L3MBTL3: variants seen among roughly 807,000 people sequenced by gnomAD.
The protein encoded by L3MBTL3 is L3MBTL histone methyl-lysine binding protein 3, also known as lethal(3)malignant brain tumor-like protein 3.
Under a neutral mutation model 102.3 loss-of-function variants are expected in L3MBTL3, and 27 were observed. The ratio of observed to expected loss-of-function variants is 0.26; its 90% CI spans 0.19 to 0.36. The LOEUF (loss-of-function observed/expected upper bound fraction) is 0.36. Among genes scored for constraint, L3MBTL3 ranks in the 10% least tolerant of loss-of-function variants. L3MBTL3 has a pLI of 1.00. For synonymous variants in L3MBTL3, 340 were observed against 320.9 expected, an observed-to-expected ratio of 1.06 and a Z score of -0.64; for missense variants, 798 against 955.3, an observed-to-expected ratio of 0.84 and a Z score of 2.17.
At chr6:130,032,102 T>TG (rs1477961131) in intron 2 of L3MBTL3, among the ~76,000 whole-genome samples, 5 of 151,974 alleles carry the variant, frequency 3.3e-5, no homozygotes, top group East Asian at 1.9e-4. Flanking sequence ...CTTGTAGGTG[T>TG]GGGGTCTCAC....
intron 2 of L3MBTL3, among the ~76,000 whole-genome samples, chr6:130,035,675 G>T (rs1249833381): frequency 6.6e-6 from 1 of 152,202 alleles, no homozygotes. Context: ...AATGCCTTTG[G>T]TTGCAGCCAT....
At chr6:130,118,969 C>G (rs1785925202) in intron 19 of L3MBTL3, among the ~76,000 whole-genome samples, 1 of 152,022 alleles carries the variant, frequency 6.6e-6, no homozygotes, top group Non-Finnish European at 1.5e-5. Context: ...CATAAGAAAA[C>G]AAGGGAACTT....
intron 8 of L3MBTL3, among the ~76,000 whole-genome samples, chr6:130,056,598 T>C (rs920204768): frequency 6.6e-6 from 1 of 152,216 alleles, no homozygotes; most frequent in Non-Finnish European, 1.5e-5. Context: ...GACCTTCTAT[T>C]TTACATCACT....
chr6:130,087,491 G>A (rs1783763473), intron 16 of L3MBTL3, among the ~76,000 whole-genome samples: 1 of 152,032 alleles, frequency 6.6e-6, no homozygotes, highest in Admixed American at 6.6e-5. Flanking sequence ...AAAAAATATT[G>A]GTTCGACTGC....
At chr6:130,032,142 G>C (rs567510364) in intron 2 of L3MBTL3, among the ~76,000 whole-genome samples, 1 of 152,152 alleles carries the variant, frequency 6.6e-6, no homozygotes, top group East Asian at 1.9e-4. Flanking sequence ...TTGAACTCCT[G>C]GCCTCAGGTG....
intron 13 of L3MBTL3, among the ~76,000 whole-genome samples, chr6:130,078,206 G>A (rs1274215401): frequency 6.6e-6 from 1 of 152,056 alleles, no homozygotes; most frequent in Non-Finnish European, 1.5e-5. Context: ...GTTTTCCTAT[G>A]TACACACAGT....
Position 130,078,603 on chromosome 6 carries a change from G to A in L3MBTL3, c.1290G>A (p.Lys430=), listed in dbSNP as rs1280416673. ...ATATTCATCCAGTTGGTTGGTGTAA[G>A]GAACATAGAAGAACCCTTATTACTC... is the stretch of plus-strand genomic sequence containing the variant. The part of the protein sequence containing the change: ...SPHIHPVGWC[K]EHRRTLITPP... The change falls in exon 14 of 23, where the codon AAG becomes AAA. Residue 430 remains lysine, a synonymous_variant. Transcript: ENST00000361794. The A allele has an allele frequency of 6.2e-7, 1 of 1,611,142 alleles. No homozygotes were observed. Among genetic ancestry groups the A allele is most frequent in the East Asian group, 2.2e-5 (1 of 44,810 alleles).
intron 2 of L3MBTL3, among the ~76,000 whole-genome samples, chr6:130,028,828 A>C (rs903424118): frequency 6.6e-6 from 1 of 152,236 alleles, no homozygotes; most frequent in African/African-American, 2.4e-5. Flanking sequence ...CTCCACTGAC[A>C]CTTATATAAG....
In L3MBTL3 at chr6:130,114,617, G is replaced by A. The variant is rs528844406; in HGVS notation, c.1887-6262G>A. On this transcript the variant is annotated intron_variant, in intron 19 of 22. Coordinates refer to ENST00000361794, the MANE Select transcript of L3MBTL3 (RefSeq NM_032438.4). ...CCTTTTATTGTATTCTTTCACTAGCGTATGGTCCTTATGCTAAATTATAAT... is the reference window on the plus strand; with the variant it reads ...CCTTTTATTGTATTCTTTCACTAGCATATGGTCCTTATGCTAAATTATAAT... Among the ~76,000 whole-genome samples, 7 of 152,030 alleles carry A rather than the reference G, an allele frequency of 4.6e-5. No homozygotes were observed. The South Asian group carries it at 6.2e-4, about 14-fold the overall frequency.
chr6:130,082,408 A>G (rs528747270), intron 14 of L3MBTL3, among the ~76,000 whole-genome samples: 6 of 152,212 alleles, frequency 3.9e-5, no homozygotes, highest in East Asian at 3.9e-4. Context: ...TTATCTTCCT[A>G]TTTATTTGTT....
At chr6:130,046,647 A>G (rs902264918) in intron 3 of L3MBTL3, among the ~76,000 whole-genome samples, 2 of 152,232 alleles carry the variant, frequency 1.3e-5, no homozygotes, top group Admixed American at 6.5e-5. Context: ...TTTGCTTAAT[A>G]GTAAATCCCT....
At chr6:130,049,194 C>G (rs371557634) in intron 3 of L3MBTL3, 88 bp from the exon 4 acceptor site, 66 of 730,386 alleles carry the variant, frequency 9.0e-5, no homozygotes, top group East Asian at 5.1e-4. Flanking sequence ...AATTAATTTG[C>G]TTGAAGACTA....
intron 13 of L3MBTL3, among the ~76,000 whole-genome samples, chr6:130,077,485 A>G (rs1196749368): frequency 1.3e-5 from 2 of 152,222 alleles, no homozygotes; most frequent in African/African-American, 4.8e-5. Context: ...AGAAGCCTTT[A>G]AGTAATAAGG....
At chr6:130,034,559 C>T (rs1275916101) in intron 2 of L3MBTL3, among the ~76,000 whole-genome samples, 1 of 152,200 alleles carries the variant, frequency 6.6e-6, no homozygotes, top group Non-Finnish European at 1.5e-5. Context: ...TCTGAAACTT[C>T]TGTTTTGTGG....
chr6:130,025,903 G>A (rs1779310706), intron 2 of L3MBTL3, among the ~76,000 whole-genome samples: 1 of 152,070 alleles, frequency 6.6e-6, no homozygotes, highest in Non-Finnish European at 1.5e-5. Flanking sequence ...CAAAGACATC[G>A]AGCATCAATC....
chr6:130,138,089 T>C (rs1318346419), intron 22 of L3MBTL3: 2 of 152,236 alleles, frequency 1.3e-5, no homozygotes, highest in East Asian at 3.8e-4. Flanking sequence ...ATGACTCCAG[T>C]TCTTACTGAT....
chr6:130,056,590 CCTT>C (rs1781525778), intron 8 of L3MBTL3, among the ~76,000 whole-genome samples: 1 of 152,186 alleles, frequency 6.6e-6, no homozygotes, highest in African/African-American at 2.4e-5. Flanking sequence ...TCAGAGATGA[CCTT>C]CTATTTTACA....
intron 19 of L3MBTL3, among the ~76,000 whole-genome samples, chr6:130,117,305 T>G (rs1031141259): frequency 6.6e-6 from 1 of 150,736 alleles, no homozygotes. Context: ...CACGAACTCA[T>G]CATTTTTTAT....
Position 130,133,991 on chromosome 6 carries a change from AGAGT to A in L3MBTL3, c.2199+87_2199+90del. ...GGAAGGTGAAATGTGTGGAATTGGC[AGAGT>A]CAAAAAGAGATGGGGTGTGTTGAAA... On this transcript the variant is annotated intron_variant, in intron 22 of 22. Coordinates refer to ENST00000361794, the MANE Select transcript of L3MBTL3 (RefSeq NM_032438.4). The surrounding 1 kb of genome is among the most constrained non-coding windows in gnomAD (Gnocchi z 4.9). 2 of 999,526 alleles carry A rather than the reference AGAGT, an allele frequency of 2.0e-6. No homozygotes were observed. Among genetic ancestry groups the A allele is most frequent in the Non-Finnish European group, 3.2e-6 (2 of 633,452 alleles). The allele number at this position is 999,526 out of a possible 1,614,324, so 61.9% of individuals were successfully genotyped here.
Sources: gnomAD v4.1 joint callset for allele counts (sites outside exome capture counted in the v4.1 genomes callset) on GRCh38, gnomAD v4.1.1 for gene constraint, Gnocchi (gnomAD v3.1) non-coding constraint, MANE v1.5 for transcripts, NCBI Gene and HGNC (gene_info 2026-07-23, HGNC 2026-07-21) for gene names.